The following TENM3 variants were observed in gnomAD, a reference collection of about 807,000 sequenced individuals.
TENM3 encodes teneurin-3.
In TENM3, 63 loss-of-function variants were observed where a neutral mutation model predicts 255.1. That is an observed-to-expected ratio of 0.25 (90% CI 0.20 to 0.30). The LOEUF (loss-of-function observed/expected upper bound fraction) is 0.30, where lower values mean the gene tolerates loss of function less well. Ranked by LOEUF, TENM3 falls within the 10% of genes least tolerant of loss-of-function variation. The pLI is 1.00. For synonymous variants in TENM3, 1,306 were observed against 1,322.3 expected (o/e 0.99, Z 0.27); for missense variants, 2,929 against 3,461.1 (o/e 0.85, Z 3.86).
chr4:181,940,625 T>G, the TENM3 span, among the ~76,000 whole-genome samples: 1 of 152,210 alleles, frequency 6.6e-6, no homozygotes, highest in South Asian at 2.1e-4. Context: ...TGCAATTTTA[T>G]GATAGGGTGG....
chr4:182,004,123 T>C, the TENM3 span, among the ~76,000 whole-genome samples: 1 of 151,808 alleles, frequency 6.6e-6, no homozygotes, highest in Non-Finnish European at 1.5e-5. Flanking sequence ...CAAAACAGGA[T>C]ATATGTACAG....
chr4:181,771,321 TGTTA>T, the TENM3 span, among the ~76,000 whole-genome samples: 1 of 152,164 alleles, frequency 6.6e-6, no homozygotes, highest in Non-Finnish European at 1.5e-5. Context: ...CAGGAAGAGA[TGTTA>T]GTTCAAATGT....
intron 3 of TENM3, among the ~76,000 whole-genome samples, chr4:182,540,270 C>T (rs1717726353): frequency 6.6e-6 from 1 of 152,132 alleles, no homozygotes; most frequent in South Asian, 2.1e-4. Flanking sequence ...AAATTGCTAA[C>T]AGAGTATTCG....
intron 4 of TENM3, among the ~76,000 whole-genome samples, chr4:182,619,242 A>G (rs1749856869): frequency 6.6e-6 from 1 of 152,094 alleles, no homozygotes; most frequent in African/African-American, 2.4e-5. Flanking sequence ...CCTGGCCAAC[A>G]TGGTGAAACC....
chr4:181,904,453 C>T, the TENM3 span, among the ~76,000 whole-genome samples: 45 of 152,112 alleles, frequency 3.0e-4, no homozygotes, highest in Non-Finnish European at 5.0e-4. Context: ...CACATGTACC[C>T]GATAATTATA....
At chr4:181,936,424 G>A in the TENM3 span, among the ~76,000 whole-genome samples, 2 of 152,150 alleles carry the variant, frequency 1.3e-5, no homozygotes, top group African/African-American at 4.8e-5. Flanking sequence ...GAGAGTGGCT[G>A]ATAGGTAATA....
chr4:181,665,102 C>G, the TENM3 span, among the ~76,000 whole-genome samples: 1 of 152,064 alleles, frequency 6.6e-6, no homozygotes, highest in Non-Finnish European at 1.5e-5. Flanking sequence ...CACAATGTCC[C>G]CAAGCTCGCA....
At chr4:181,968,697 A>G in the TENM3 span, among the ~76,000 whole-genome samples, 2 of 152,220 alleles carry the variant, frequency 1.3e-5, no homozygotes, top group African/African-American at 2.4e-5. Flanking sequence ...TTCAATGGGT[A>G]TAAATAAAGT....
the TENM3 span, among the ~76,000 whole-genome samples, chr4:181,464,351 G>T: frequency 1.3e-5 from 2 of 152,124 alleles, no homozygotes; most frequent in Admixed American, 1.3e-4. Flanking sequence ...ATTCTGGTGG[G>T]TATGTAGTGG....
chr4:182,096,277 T>C, the TENM3 span, among the ~76,000 whole-genome samples: 5 of 152,194 alleles, frequency 3.3e-5, no homozygotes, highest in African/African-American at 1.2e-4. Flanking sequence ...TTAACTTCAA[T>C]ACTGATCATC....
chr4:182,769,333 G>A (rs1224184044), intron 22 of TENM3, among the ~76,000 whole-genome samples: 1 of 151,910 alleles, frequency 6.6e-6, no homozygotes, highest in African/African-American at 2.4e-5. Context: ...CAGAGTCCCC[G>A]GGTCATTTTT....
chr4:182,041,023 G>C, the TENM3 span, among the ~76,000 whole-genome samples: 3 of 152,104 alleles, frequency 2.0e-5, no homozygotes, highest in African/African-American at 7.2e-5. Flanking sequence ...TGCAAAAATA[G>C]GAAACTCCTG....
In TENM3 at chr4:182,327,108, C is replaced by T. The variant is rs1375983219; in HGVS notation, c.232+2856C>T. ...TTCTTGAGCAAGCATAATGAGAAAT[C>T]CTTCCAGGCTTTCATTTTCTTTGAA... On this transcript the variant is annotated intron_variant, in intron 2 of 27. Coordinates refer to ENST00000511685, the MANE Select transcript of TENM3 (RefSeq NM_001080477.4). 3.3e-5 allele frequency among the ~76,000 whole-genome samples: 5 copies of T among 152,216 alleles called. No individual in the cohort carries two copies. In the East Asian group the frequency reaches 7.7e-4, roughly 24 times the overall value.
the TENM3 span, among the ~76,000 whole-genome samples, chr4:181,655,578 T>C: frequency 6.6e-6 from 1 of 152,216 alleles, no homozygotes; most frequent in African/African-American, 2.4e-5. Context: ...GTCAGTGCTA[T>C]GGCCACCTGC....
the TENM3 span, among the ~76,000 whole-genome samples, chr4:181,934,075 T>TGTGCGC: frequency 1.8e-4 from 27 of 148,104 alleles, no homozygotes; most frequent in South Asian, 8.7e-4. Context: ...TGTGTGTGTG[T>TGTGCGC]GCGCGCGCTT....
At chr4:181,517,002 C>T in the TENM3 span, among the ~76,000 whole-genome samples, 1 of 152,172 alleles carries the variant, frequency 6.6e-6, no homozygotes, top group Non-Finnish European at 1.5e-5. Flanking sequence ...ACACTACCCT[C>T]TTTTGTACTG....
At chr4:182,230,813 T>TATATATAC (rs1756511121) in intron 1 of TENM3, among the ~76,000 whole-genome samples, 1 of 5,206 alleles carries the variant, frequency 1.9e-4, no homozygotes, top group South Asian at 5.6e-3. Flanking sequence ...TTTCTCAAAC[T>TATATATAC]ATATATATAT....
At chr4:182,391,724 G>A (rs1226122264) in intron 3 of TENM3, among the ~76,000 whole-genome samples, 5 of 152,174 alleles carry the variant, frequency 3.3e-5, no homozygotes, top group African/African-American at 1.2e-4. Flanking sequence ...TAATAGATTA[G>A]GAGACTACCT....
intron 1 of TENM3, among the ~76,000 whole-genome samples, chr4:182,296,588 T>G (rs1761514803): frequency 6.6e-6 from 1 of 152,198 alleles, no homozygotes; most frequent in South Asian, 2.1e-4. Context: ...GTTTCTAGAT[T>G]GCATTGACTT....
Sources: allele counts gnomAD v4.1 joint callset (sites outside exome capture counted in the v4.1 genomes callset), GRCh38; gene constraint gnomAD v4.1.1; transcripts MANE v1.5; gene names NCBI Gene and HGNC (gene_info 2026-07-23, HGNC 2026-07-21).